The following FAM217A variants were observed in gnomAD, a reference collection of about 807,000 sequenced individuals.
FAM217A encodes the protein protein FAM217A.
FAM217A carries 13 observed loss-of-function variants against 18.5 expected under a neutral mutation model. The observed-to-expected ratio is 0.70, with a 90% CI of 0.46 to 1.12. FAM217A has a LOEUF of 1.12. FAM217A is among the 50% of genes most tolerant of loss of function. The pLI is 0.00. For missense variants in FAM217A, 560 were observed against 575.4 expected (o/e 0.97, Z 0.27); for synonymous variants, 161 against 202.8 (o/e 0.79, Z 1.75).
rs1370520021 is a variant in FAM217A at position 4,068,681 on chromosome 6, T to C, written c.*15A>G. 3 of 1,575,546 alleles carry C rather than the reference T, an allele frequency of 1.9e-6. No individual in the cohort carries two copies. Among genetic ancestry groups the C allele is most frequent in the Non-Finnish European group, 1.7e-6 (2 of 1,165,078 alleles). On this transcript the variant is annotated 3_prime_UTR_variant, in exon 7 of 7. Coordinates refer to ENST00000274673, the MANE Select transcript of FAM217A (RefSeq NM_173563.3). Reference sequence around the variant, plus strand: ...GAGTAGATGTGTTCACATTGAGATGTATGAAAGAAAAGAGTTATTTTTGTT... The same window carrying C: ...GAGTAGATGTGTTCACATTGAGATGCATGAAAGAAAAGAGTTATTTTTGTT...
chr6:4,079,541 CCTCCAGGCCCTTCCCTGGGCCT>C (rs1561929247), upstream of FAM217A: 4 of 1,152,608 alleles, frequency 3.5e-6, no homozygotes, highest in Non-Finnish European at 4.6e-6. Flanking sequence ...TTCCCCGAGG[CCTCCAGGCCCTTCCCTGGGCCT>C]CTCCAGGCTG....
intron 1 of FAM217A, among the ~76,000 whole-genome samples, chr6:4,078,424 G>A (rs904207218): frequency 6.6e-6 from 1 of 152,308 alleles, no homozygotes; most frequent in African/African-American, 2.4e-5. Flanking sequence ...GTCTCCTACA[G>A]AAAAGTGTAT....
Position 4,069,618 on chromosome 6 carries a change from T to A in FAM217A, c.605A>T (p.Glu202Val), listed in dbSNP as rs1329436534. 6.2e-7 allele frequency: 1 copy of A among 1,614,178 alleles called. No individual in the cohort carries two copies. The highest frequency in any genetic ancestry group is 1.7e-5 in the Admixed American group (1 of 60,022). ...CTTCTCATTTTCTGATAAATCACTT[T>A]CATCTGTGAAATTTTCTTCCACACT... ...NSSVEENFTD[E>V]SDLSENEKTN... The change falls in exon 7 of 7, where the codon GAA (glutamate) becomes GTA (valine). Residue 202 changes from glutamate to valine, a missense_variant. Glu to Val is a moderately radical substitution (Grantham distance 121). Transcript: ENST00000274673.
rs1581909015 is a variant in FAM217A at position 4,084,916 on chromosome 6, A to G, written c.19-106T>C. Reference sequence around the variant, plus strand: ...CATGCAGCTGCTGCGCTGCGGGATCAATTTTAGTTAATAATACACTGCTGG... The same window carrying G: ...CATGCAGCTGCTGCGCTGCGGGATCGATTTTAGTTAATAATACACTGCTGG... On this transcript the variant is annotated intron_variant, in intron 1 of 8. Coordinates refer to the FAM217A transcript ENST00000639338. 1.7e-5 allele frequency: 11 copies of G among 633,206 alleles called. No homozygotes were observed. In the East Asian group the frequency reaches 3.0e-4, roughly 17 times the overall value. The allele number at this position is 633,206 out of a possible 1,614,324, so 39.2% of individuals were successfully genotyped here.
chr6:4,085,447 A>G (rs1770597048), intron 1 of FAM217A, among the ~76,000 whole-genome samples: 1 of 152,134 alleles, frequency 6.6e-6, no homozygotes, highest in African/African-American at 2.4e-5. Context: ...AACATTCATC[A>G]GTTGCTATTG....
chr6:4,077,248 C>T (rs1030336263), intron 2 of FAM217A, 107 bp downstream of exon 2: 14 of 1,061,508 alleles, frequency 1.3e-5, no homozygotes, highest in Admixed American at 2.0e-5. Flanking sequence ...AAACTGCCCA[C>T]GATGCAAACG....
chr6:4,068,607 T>C lies in FAM217A; in HGVS notation c.*89A>G. 2.1e-6 allele frequency: 3 copies of C among 1,425,496 alleles called. No homozygotes were observed. Among genetic ancestry groups the C allele is most frequent in the Non-Finnish European group, 2.8e-6 (3 of 1,060,972 alleles). 88.3% of individuals were successfully genotyped at this position (1,425,496 alleles called of 1,614,324 possible). A position where few individuals can be genotyped will look rare whatever the true frequency, so the allele number is the denominator to read the frequency against. ...TTTGGTGATTTTGGGGGACTGTTAA[T>C]AGTACCTGTGTCTTGGAATAATTAA... On this transcript the variant is annotated 3_prime_UTR_variant, in exon 7 of 7. Transcript: ENST00000274673.
At chr6:4,079,623 A>T (rs767343264), upstream of FAM217A, 1 of 1,218,670 alleles carries the variant, frequency 8.2e-7, no homozygotes, top group Non-Finnish European at 1.1e-6. Flanking sequence ...GGCCCGGCCC[A>T]CCCGCCTCCA....
intron 1 of FAM217A, among the ~76,000 whole-genome samples, chr6:4,085,000 G>A (rs1055761163): frequency 8.5e-5 from 13 of 152,240 alleles, no homozygotes; most frequent in African/African-American, 2.2e-4. Flanking sequence ...AAAAACTTGC[G>A]AGAAAATAAT....
chr6:4,079,240 G>A (rs937825474), upstream of FAM217A: 43 of 195,584 alleles, frequency 2.2e-4, no homozygotes, highest in African/African-American at 8.8e-4. Flanking sequence ...GCCGCCGGCC[G>A]CCCAGGCGCG....
chr6:4,071,374 T>C (rs951941457), intron 6 of FAM217A, among the ~76,000 whole-genome samples: 1 of 152,222 alleles, frequency 6.6e-6, no homozygotes, highest in Non-Finnish European at 1.5e-5. Context: ...GCAACATTAT[T>C]AAACCTACCC....
intron 1 of FAM217A, chr6:4,084,959 G>C: frequency 1.7e-6 from 1 of 603,114 alleles, no homozygotes; most frequent in South Asian, 2.1e-5. Flanking sequence ...GTGGGCTGCT[G>C]CCCGGCATAG....
At chr6:4,076,464 C>T (rs533657121) in intron 2 of FAM217A, among the ~76,000 whole-genome samples, 3 of 152,108 alleles carry the variant, frequency 2.0e-5, no homozygotes, top group East Asian at 1.9e-4. Flanking sequence ...GACTTTTTTA[C>T]GATGTCTGGT....
chr6:4,077,289 T>C (rs1769876225), intron 2 of FAM217A, 66 bp downstream of exon 2: 2 of 1,520,878 alleles, frequency 1.3e-6, no homozygotes, highest in South Asian at 1.1e-5. Context: ...GAAAACTCCA[T>C]GGGAGTTACG....
rs573342432 is a variant in FAM217A at position 4,075,922 on chromosome 6, C to A, written c.61-1261G>T. Reference sequence around the variant, plus strand: ...AAAAATATAATTAATAAAATTAATTCTCTGCTCTCTGGCATGATATGTACA... The same window carrying A: ...AAAAATATAATTAATAAAATTAATTATCTGCTCTCTGGCATGATATGTACA... On this transcript the variant is annotated intron_variant, in intron 2 of 6. Transcript: ENST00000274673. Among the ~76,000 whole-genome samples the A allele has an allele frequency of 9.9e-5, 15 of 152,266 alleles. No individual in the cohort carries two copies. In the South Asian group the frequency reaches 2.7e-3, roughly 27 times the overall value.
At chr6:4,086,183 A>C (rs555511498) in intron 1 of FAM217A, among the ~76,000 whole-genome samples, 1 of 151,630 alleles carries the variant, frequency 6.6e-6, no homozygotes, top group South Asian at 2.1e-4. Flanking sequence ...GAGGTGGCTC[A>C]CACCTGTAAA....
upstream of FAM217A, among the ~76,000 whole-genome samples, chr6:4,082,480 C>CT (rs559485486): frequency 1.6e-4 from 25 of 152,294 alleles, no homozygotes; most frequent in East Asian, 2.9e-3. Flanking sequence ...AATCAGAATG[C>CT]TTTTTTCCCA....
At position 4,074,606 on chromosome 6, in the gene FAM217A, A is replaced by C. The variant is rs1769650768; in HGVS notation, c.116T>G (p.Leu39Arg). 1 of 1,613,740 alleles carries C rather than the reference A, an allele frequency of 6.2e-7. No individual in the cohort carries two copies. Among genetic ancestry groups the C allele is most frequent in the Admixed American group, 1.7e-5 (1 of 60,016 alleles). Residue 39 changes from leucine (L) to arginine (R), a missense_variant, in exon 3 of 7, where the codon CTC (leucine) becomes CGC (arginine). By Grantham distance (102) the Leu-to-Arg change is moderately radical (BLOSUM62 -2). Coordinates refer to ENST00000274673, the MANE Select transcript of FAM217A (RefSeq NM_173563.3). ...TGCTGCTCCATCCCTTCCAGCTGGG[A>C]GGTTTTTATTTTCAGAAACAGGTAC... ...SEVPVSENKNLPAGRDGAAGG... is the reference protein window; with the variant it reads ...SEVPVSENKNRPAGRDGAAGG...
At chr6:4,080,334 A>G (rs1770206656), upstream of FAM217A, among the ~76,000 whole-genome samples, 1 of 152,072 alleles carries the variant, frequency 6.6e-6, no homozygotes, top group African/African-American at 2.4e-5. Flanking sequence ...TGTACTCCTC[A>G]TAATCTTGCT....
Sources: allele counts gnomAD v4.1 joint callset (sites outside exome capture counted in the v4.1 genomes callset), GRCh38; gene constraint gnomAD v4.1.1; transcripts MANE v1.5; gene names NCBI Gene and HGNC (gene_info 2026-07-23, HGNC 2026-07-21).